The following CDH23 variants were observed in gnomAD, a reference collection of about 807,000 sequenced individuals.
The protein encoded by CDH23 is cadherin related 23.
Under a neutral mutation model 317.1 loss-of-function variants are expected in CDH23, and 189 were observed. The observed-to-expected ratio is 0.60, with a 90% CI of 0.53 to 0.67. The LOEUF is 0.67. CDH23 is among the 30% of genes least tolerant of loss of function. The pLI is 0.00. For synonymous variants in CDH23, 1,839 were observed against 1,876.8 expected, an observed-to-expected ratio of 0.98 and a Z score of 0.52; for missense variants, 4,401 against 4,592.4, an observed-to-expected ratio of 0.96 and a Z score of 1.20.
At chr10:71,791,069 G>C in intron 46 of CDH23, 63 bp from the exon 47 acceptor site, 2 of 1,336,382 alleles carry the variant, frequency 1.5e-6, no homozygotes, top group Non-Finnish European at 2.1e-6. Context: ...GTTGGTTCTT[G>C]CCCTGTCTTC....
At chr10:71,802,488 C>G (rs1341287263) in intron 53 of CDH23, among the ~76,000 whole-genome samples, 1 of 152,074 alleles carries the variant, frequency 6.6e-6, no homozygotes, top group East Asian at 1.9e-4. Context: ...TCAAGAGAAC[C>G]TTGGGGAATG....
At chr10:71,529,704 T>C (rs757421083) in intron 6 of CDH23, among the ~76,000 whole-genome samples, 7 of 152,104 alleles carry the variant, frequency 4.6e-5, no homozygotes, top group Non-Finnish European at 8.8e-5. Context: ...ATCACACTCA[T>C]ACTTTAAGAC....
intron 6 of CDH23, among the ~76,000 whole-genome samples, chr10:71,521,820 G>A (rs142381726): frequency 6.6e-6 from 1 of 152,284 alleles, no homozygotes; most frequent in Non-Finnish European, 1.5e-5. Context: ...CCACCCATCC[G>A]AGCTTCTAAA....
At chr10:71,442,246 C>T (rs1229644004) in intron 2 of CDH23, among the ~76,000 whole-genome samples, 8 of 152,222 alleles carry the variant, frequency 5.3e-5, no homozygotes, top group African/African-American at 1.7e-4. Flanking sequence ...CTTTGCCATA[C>T]GCACAAGGGT....
intron 46 of CDH23, 92 bp from the exon 47 acceptor site, chr10:71,791,040 C>T: frequency 1.0e-6 from 1 of 999,092 alleles, no homozygotes; most frequent in Non-Finnish European, 1.5e-6. Flanking sequence ...GTGCCCCTGT[C>T]TTTCTCTGCT....
chr10:71,694,199 C>A lies in CDH23; in HGVS notation c.2229C>A (p.Ile743=). Residue 743 remains isoleucine, a synonymous_variant, in exon 21 of 70, where the codon ATC becomes ATA. Transcript: ENST00000224721. ...LLDRETKSEY[I]LIVRAVDGGV... ...ACCGAGAGACCAAGTCTGAATACATCCTCATCGTTCGCGCAGTGGACGGGG... is the reference window on the plus strand; with the variant it reads ...ACCGAGAGACCAAGTCTGAATACATACTCATCGTTCGCGCAGTGGACGGGG... 1 of 1,613,810 alleles carries A rather than the reference C, an allele frequency of 6.2e-7. No individual in the cohort carries two copies.
intron 3 of CDH23, among the ~76,000 whole-genome samples, chr10:71,478,898 A>G (rs1480083882): frequency 6.6e-6 from 1 of 152,214 alleles, no homozygotes; most frequent in African/African-American, 2.4e-5. Flanking sequence ...TCTTTTTTAT[A>G]AGAATGGAAA....
chr10:71,477,636 C>A (rs995599521), intron 3 of CDH23, among the ~76,000 whole-genome samples: 2 of 152,186 alleles, frequency 1.3e-5, no homozygotes, highest in Non-Finnish European at 2.9e-5. Flanking sequence ...GAGCACTGAA[C>A]GAGCATGCCC....
chr10:71,678,592 T>C (rs1452027752), intron 16 of CDH23, among the ~76,000 whole-genome samples: 2 of 152,224 alleles, frequency 1.3e-5, no homozygotes, highest in African/African-American at 4.8e-5. Context: ...ACAGAACATG[T>C]GCCCGCCCAG....
At chr10:71,430,386 ACC>A (rs1415979637) in intron 1 of CDH23, among the ~76,000 whole-genome samples, 1 of 151,970 alleles carries the variant, frequency 6.6e-6, no homozygotes, top group Non-Finnish European at 1.5e-5. Flanking sequence ...AACTTGGTGC[ACC>A]CTCTTTGGAG....
chr10:71,550,720 C>T (rs1006762019), intron 6 of CDH23, among the ~76,000 whole-genome samples: 2 of 152,172 alleles, frequency 1.3e-5, no homozygotes, highest in Non-Finnish European at 2.9e-5. Flanking sequence ...CTTTCCCCCA[C>T]CGTCCCATCC....
At chr10:71,624,722 T>C (rs1186711246) in intron 11 of CDH23, among the ~76,000 whole-genome samples, 2 of 146,880 alleles carry the variant, frequency 1.4e-5, no homozygotes, top group African/African-American at 5.1e-5. Context: ...AAAAGCATAC[T>C]TTAGACATTA....
chr10:71,578,479 C>G (rs760139394), intron 9 of CDH23, among the ~76,000 whole-genome samples: 1 of 152,150 alleles, frequency 6.6e-6, no homozygotes, highest in Non-Finnish European at 1.5e-5. Context: ...GAATTCATGT[C>G]GCATCTGGAA....
chr10:71,432,745 G>A (rs569282978), intron 1 of CDH23, among the ~76,000 whole-genome samples: 7 of 152,182 alleles, frequency 4.6e-5, no homozygotes, highest in African/African-American at 1.2e-4. Context: ...CGACCTCCTC[G>A]CCTAGCGAGG....
chr10:71,660,105 C>T (rs1226819662), intron 14 of CDH23, among the ~76,000 whole-genome samples: 3 of 151,998 alleles, frequency 2.0e-5, no homozygotes, highest in South Asian at 4.2e-4. Context: ...GGATTACAGG[C>T]GCGTGCCACC....
At chr10:71,406,974 A>G (rs550349809) in intron 1 of CDH23, among the ~76,000 whole-genome samples, 1 of 152,384 alleles carries the variant, frequency 6.6e-6, no homozygotes, top group South Asian at 2.1e-4. Context: ...TTAGCACTTC[A>G]TCTAAAATAC....
In CDH23 at chr10:71,803,249, A is replaced by C; in HGVS notation, c.7701A>C (p.Thr2567=). 6.3e-7 allele frequency: 1 copy of C among 1,599,038 alleles called. No individual in the cohort carries two copies. The highest frequency in any genetic ancestry group is 1.1e-5 in the South Asian group (1 of 88,988). Residue 2567 remains threonine, a synonymous_variant, in exon 55 of 70, where the codon ACA becomes ACC. Coordinates refer to ENST00000224721, the MANE Select transcript of CDH23 (RefSeq NM_022124.6). ...HVDMDSGLVT[T]QRPLQSYEKF... ...ACATGGACTCGGGCTTGGTGACCAC[A>C]CAGCGGCCACTGCAGTCCTACGAGA...
At chr10:71,499,576 A>G (rs1282010709) in intron 3 of CDH23, among the ~76,000 whole-genome samples, 1 of 151,452 alleles carries the variant, frequency 6.6e-6, no homozygotes, top group South Asian at 2.1e-4. Context: ...GCCGTGGCTC[A>G]CGCCTGTAAT....
At chr10:71,762,055 C>A in intron 38 of CDH23, 1 of 1,563,342 alleles carries the variant, frequency 6.4e-7, no homozygotes, top group Non-Finnish European at 8.7e-7. Flanking sequence ...GCCCTGTCAC[C>A]TGACTGATCC....
Sources: gnomAD v4.1 joint callset for allele counts (sites outside exome capture counted in the v4.1 genomes callset) on GRCh38, gnomAD v4.1.1 for gene constraint, MANE v1.5 for transcripts, NCBI Gene and HGNC (gene_info 2026-07-23, HGNC 2026-07-21) for gene names.